The following ESCO2 variants were observed in gnomAD, a reference collection of about 807,000 sequenced individuals.
ESCO2 encodes establishment of sister chromatid cohesion N-acetyltransferase 2, also known as N-acetyltransferase ESCO2.
Under a neutral mutation model 61.7 loss-of-function variants are expected in ESCO2, and 51 were observed. The ratio of observed to expected loss-of-function variants is 0.83; its 90% CI spans 0.66 to 1.04. The LOEUF is 1.04. Ranked by LOEUF, ESCO2 falls within the 50% of genes least tolerant of loss-of-function variation. ESCO2 has a pLI of 0.00. For synonymous variants in ESCO2, 230 were observed against 238.2 expected (o/e 0.97, Z 0.32); for missense variants, 692 against 686.2 (o/e 1.01, Z -0.09).
At chr8:27,776,200 CAG>C (rs1229959493) in intron 2 of ESCO2, among the ~76,000 whole-genome samples, 160 bp from the exon 3 acceptor site, 9 of 152,136 alleles carry the variant, frequency 5.9e-5, no homozygotes, top group Non-Finnish European at 1.2e-4. Context: ...TTGATAAAGA[CAG>C]AATTTGAGAA....
chr8:27,793,478 T>C (rs1220670898), intron 9 of ESCO2, among the ~76,000 whole-genome samples: 1 of 112,050 alleles, frequency 8.9e-6, no homozygotes, highest in Admixed American at 8.8e-5. Flanking sequence ...TCTTTTTCTT[T>C]GTTTTTTTTT....
intron 5 of ESCO2, 76 bp from the exon 6 acceptor site, chr8:27,787,809 T>C: frequency 8.7e-7 from 1 of 1,143,266 alleles, no homozygotes; most frequent in Non-Finnish European, 1.3e-6. Context: ...CAAGGTACTC[T>C]GATAAATGGC....
At chr8:27,808,680 G>C (rs1412801173), downstream of ESCO2, among the ~76,000 whole-genome samples, 1 of 44,052 alleles carries the variant, frequency 2.3e-5, no homozygotes, top group Non-Finnish European at 4.4e-5. Context: ...GCAAGACCCT[G>C]TCTCAAAAAA....
At chr8:27,772,288 G>A (rs4732746), upstream of ESCO2, among the ~76,000 whole-genome samples, 29,322 of 152,228 alleles carry the variant, frequency 0.19, 3,599 homozygotes, top group Middle Eastern at 0.28. Flanking sequence ...AAACATAGCA[G>A]TGGCATCGCC....
intron 4 of ESCO2, among the ~76,000 whole-genome samples, chr8:27,781,561 CT>C (rs67899310): frequency 0.13 from 17,336 of 136,302 alleles, 930 homozygotes; most frequent in East Asian, 0.26. Context: ...TTGGTATAGA[CT>C]TTTTTTTTTT....
At position 27,799,574 on chromosome 8, in the gene ESCO2, G is replaced by A. The variant is rs1805377799; in HGVS notation, c.1531G>A (p.Glu511Lys). 1 of 1,613,792 alleles carries A rather than the reference G, an allele frequency of 6.2e-7. No individual in the cohort carries two copies. The highest frequency in any genetic ancestry group is 1.3e-5 in the African/African-American group (1 of 74,808). ...TGTCCTGTCTGAACCAATTGGTCCA[G>A]AATCCCCAAGCTCTACGGAATGTCC... ...FRVLSEPIGP[E>K]SPSSTECPRA... The change falls in exon 10 of 11, where the codon GAA becomes AAA. Residue 511 changes from glutamate (E) to lysine (K), a missense_variant. Coordinates refer to ENST00000305188, the MANE Select transcript of ESCO2 (RefSeq NM_001017420.3).
In ESCO2 at chr8:27,776,344, CTT is replaced by C; in HGVS notation, c.54-16_54-15del. 2 of 1,585,966 alleles carry C rather than the reference CTT, an allele frequency of 1.3e-6. No homozygotes were observed. The highest frequency in any genetic ancestry group is 1.7e-6 in the Non-Finnish European group (2 of 1,162,010). On this transcript the variant is annotated splice_polypyrimidine_tract_variant and intron_variant, in intron 2 of 10. Coordinates refer to ENST00000305188, the MANE Select transcript of ESCO2 (RefSeq NM_001017420.3). ...GACGCAAAATAATCTTATCAATGGA[CTT>C]TGTTTCTTTTTATAGCCTTTTACAC...
chr8:27,809,182 T>A (rs974112146), downstream of ESCO2, among the ~76,000 whole-genome samples: 1 of 152,172 alleles, frequency 6.6e-6, no homozygotes, highest in Non-Finnish European at 1.5e-5. Context: ...AGAGACCCTA[T>A]TGAGTATCAG....
At position 27,787,986 on chromosome 8, in the gene ESCO2, A is replaced by C. The variant is rs1273208603; in HGVS notation, c.1115A>C (p.Lys372Thr). ...TNTRDTSKKT[K>T]DQLIIDAGQK... is the part of the protein sequence containing the mutation. The stretch of plus-strand genomic sequence containing the variant: ...ACCAGAGATACAAGTAAAAAAACAA[A>C]AGACCAGCTCATCATCGTGAGTAAA... Residue 372 changes from lysine to threonine, a missense_variant, in exon 6 of 11, where the codon AAA (lysine) becomes ACA (threonine). Coordinates refer to ENST00000305188, the MANE Select transcript of ESCO2 (RefSeq NM_001017420.3). The C allele has an allele frequency of 6.2e-7, 1 of 1,611,852 alleles. No individual in the cohort carries two copies. The highest frequency in any genetic ancestry group is 8.5e-7 in the Non-Finnish European group (1 of 1,178,270).
upstream of ESCO2, among the ~76,000 whole-genome samples, chr8:27,774,097 T>TA (rs1221542315): frequency 1.3e-5 from 2 of 152,124 alleles, no homozygotes; most frequent in African/African-American, 2.4e-5. Flanking sequence ...AAGTTACTAA[T>TA]AAAAAAAGTG....
Position 27,804,116 on chromosome 8 carries a change from A to T in ESCO2, c.*678A>T. ...TGAATATCTTTAGAAAATGTTTAGA[A>T]TTTATTTGTAACAAGATGGTAAGGA... On this transcript the variant is annotated 3_prime_UTR_variant, in exon 11 of 11. Coordinates refer to ENST00000305188, the MANE Select transcript of ESCO2 (RefSeq NM_001017420.3). The T allele has an allele frequency of 1.0e-6, 1 of 985,326 alleles. No homozygotes were observed. Among genetic ancestry groups the T allele is most frequent in the African/African-American group, 1.7e-5 (1 of 57,338 alleles). The allele number at this position is 985,326 out of a possible 1,614,324, so 61.0% of individuals were successfully genotyped here.
At chr8:27,794,046 A>C (rs1165142473) in intron 9 of ESCO2, among the ~76,000 whole-genome samples, 1 of 151,770 alleles carries the variant, frequency 6.6e-6, no homozygotes, top group African/African-American at 2.4e-5. Context: ...CTCCAGGTTC[A>C]TTCATGTTGT....
chr8:27,788,955 T>G lies in ESCO2; in HGVS notation c.1240T>G (p.Phe414Val), dbSNP rs777472772. 6.2e-7 allele frequency: 1 copy of G among 1,614,118 alleles called. No individual in the cohort carries two copies. Among genetic ancestry groups the G allele is most frequent in the East Asian group, 2.2e-5 (1 of 44,864 alleles). The change falls in exon 7 of 11, where the codon TTT becomes GTT. Residue 414 changes from phenylalanine (F) to valine (V), a missense_variant. Coordinates refer to ENST00000305188, the MANE Select transcript of ESCO2 (RefSeq NM_001017420.3). The stretch of plus-strand genomic sequence containing the variant: ...GCAGCATGTACAGCATCACCACAGG[T>G]TTCTGGAAGGAATCAAATATGTGGT... ...EMQHVQHHHR[F>V]LEGIKYVGWK...
At chr8:27,795,337 A>G (rs1037588763) in intron 9 of ESCO2, among the ~76,000 whole-genome samples, 2 of 152,102 alleles carry the variant, frequency 1.3e-5, no homozygotes, top group Admixed American at 6.5e-5. Context: ...TTTTTCCTGT[A>G]TAGAAACACT....
Position 27,799,577 on chromosome 8 carries a change from T to C in ESCO2, c.1534T>C (p.Ser512Pro), listed in dbSNP as rs1361026821. ...RVLSEPIGPE[S>P]PSSTECPRAW... ...CCTGTCTGAACCAATTGGTCCAGAA[T>C]CCCCAAGCTCTACGGAATGTCCTAG... is the stretch of plus-strand genomic sequence containing the variant. The change falls in exon 10 of 11, where the codon TCC becomes CCC. Residue 512 changes from serine (S) to proline (P), a missense_variant. Coordinates refer to ENST00000305188, the MANE Select transcript of ESCO2 (RefSeq NM_001017420.3). The C allele has an allele frequency of 1.2e-6, 2 of 1,614,066 alleles. No individual in the cohort carries two copies. The highest frequency in any genetic ancestry group is 1.7e-6 in the Non-Finnish European group (2 of 1,180,002).
At chr8:27,787,780 T>A (rs1805079115) in intron 5 of ESCO2, 105 bp from the exon 6 acceptor site, 1 of 814,434 alleles carries the variant, frequency 1.2e-6, no homozygotes, top group African/African-American at 1.7e-5. Context: ...TAATGTCAGA[T>A]AGAAAGCACT....
intron 10 of ESCO2, among the ~76,000 whole-genome samples, chr8:27,802,633 A>ATATATATATATATATATATAT (rs1805467020): frequency 3.7e-5 from 2 of 53,858 alleles, no homozygotes; most frequent in Admixed American, 2.0e-4. Flanking sequence ...AAAAAAAAAT[A>ATATATATATATATATATATAT]TATATATATA....
At chr8:27,799,079 G>T (rs545838659) in intron 9 of ESCO2, among the ~76,000 whole-genome samples, 2 of 152,160 alleles carry the variant, frequency 1.3e-5, no homozygotes, top group East Asian at 1.9e-4. Flanking sequence ...CTCAGGGAAG[G>T]ATACATGCTC....
At position 27,788,949 on chromosome 8, in the gene ESCO2, C is replaced by T. The variant is rs1431312891; in HGVS notation, c.1234C>T (p.His412Tyr). Residue 412 changes from histidine (H) to tyrosine (Y), a missense_variant, in exon 7 of 11, where the codon CAC (histidine) becomes TAC (tyrosine). Coordinates refer to ENST00000305188, the MANE Select transcript of ESCO2 (RefSeq NM_001017420.3). The part of the protein sequence containing the change: ...EDEMQHVQHH[H>Y]RFLEGIKYVG... Reference sequence around the variant, plus strand: ...TGAAATGCAGCATGTACAGCATCACCACAGGTTTCTGGAAGGAATCAAATA... The same window carrying T: ...TGAAATGCAGCATGTACAGCATCACTACAGGTTTCTGGAAGGAATCAAATA... The T allele has an allele frequency of 5.1e-5, 83 of 1,613,946 alleles. No individual in the cohort carries two copies. The highest frequency in any genetic ancestry group is 6.9e-5 in the Non-Finnish European group (81 of 1,179,986).
Sources: allele counts gnomAD v4.1 joint callset (sites outside exome capture counted in the v4.1 genomes callset), GRCh38; gene constraint gnomAD v4.1.1; transcripts MANE v1.5; gene names NCBI Gene and HGNC (gene_info 2026-07-23, HGNC 2026-07-21).